The following PLCE1 variants were observed in gnomAD, a reference collection of about 807,000 sequenced individuals.
PLCE1 encodes the protein 1-phosphatidylinositol 4,5-bisphosphate phosphodiesterase epsilon-1.
Under a neutral mutation model 242.8 loss-of-function variants are expected in PLCE1, and 119 were observed. The observed-to-expected ratio is 0.49, with a 90% CI of 0.42 to 0.57. PLCE1 has a LOEUF of 0.57. PLCE1 is among the 20% of genes least tolerant of loss of function. The pLI, the probability that PLCE1 is intolerant of heterozygous loss-of-function variation, is 0.00. For synonymous variants in PLCE1, 945 were observed against 1,017.4 expected (o/e 0.93, Z 1.35); for missense variants, 2,441 against 2,788.8 (o/e 0.88, Z 2.81).
chr10:94,241,212 A>G (rs569224880), intron 7 of PLCE1, among the ~76,000 whole-genome samples: 1 of 152,306 alleles, frequency 6.6e-6, no homozygotes, highest in East Asian at 1.9e-4. Context: ...CCCAGCTTAC[A>G]TCATCTCTGA....
chr10:94,033,033 T>G (rs2061592512), intron 2 of PLCE1, among the ~76,000 whole-genome samples: 3 of 152,106 alleles, frequency 2.0e-5, no homozygotes, highest in Non-Finnish European at 2.9e-5. Context: ...ACTGTAACAC[T>G]ATTTACATAG....
intron 18 of PLCE1, among the ~76,000 whole-genome samples, chr10:94,271,304 ATCTT>A (rs1198807318): frequency 7.4e-5 from 10 of 135,386 alleles, no homozygotes; most frequent in African/African-American, 2.9e-4. Context: ...GGAGAAGATC[ATCTT>A]TTTTTTTTTT....
intron 4 of PLCE1, among the ~76,000 whole-genome samples, chr10:94,206,622 T>C (rs1041919345): frequency 9.2e-5 from 14 of 152,234 alleles, no homozygotes; most frequent in African/African-American, 3.1e-4. Context: ...GACAAATCTA[T>C]GTGGCCAAAC....
chr10:94,254,172 T>G lies in PLCE1; in HGVS notation c.3280-18T>G. The G allele has an allele frequency of 4.3e-5, 67 of 1,557,698 alleles. No individual in the cohort carries two copies. The highest frequency in any genetic ancestry group is 5.4e-5 in the Non-Finnish European group (61 of 1,128,544). On this transcript the variant is annotated intron_variant, in intron 9 of 32. Coordinates refer to ENST00000371380, the MANE Select transcript of PLCE1 (RefSeq NM_016341.4). The stretch of plus-strand genomic sequence containing the variant: ...GAGAAATACAGGCTTGGAACCATCG[T>G]GAGCTTTGTGTTCCCAGGGTGAGAG...
chr10:94,326,012 T>TATC (rs2054003221), intron 32 of PLCE1, among the ~76,000 whole-genome samples: 2 of 152,178 alleles, frequency 1.3e-5, no homozygotes, highest in African/African-American at 4.8e-5. Flanking sequence ...AATTTCATTC[T>TATC]ATCTTAAAGC....
intron 2 of PLCE1, among the ~76,000 whole-genome samples, chr10:94,036,126 T>C (rs995755136): frequency 6.6e-6 from 1 of 152,174 alleles, no homozygotes; most frequent in Admixed American, 6.6e-5. Context: ...ACCTCTTTGT[T>C]TCTAATTACC....
chr10:94,044,156 T>C (rs2061832359), intron 2 of PLCE1, among the ~76,000 whole-genome samples: 1 of 152,186 alleles, frequency 6.6e-6, no homozygotes, highest in Non-Finnish European at 1.5e-5. Flanking sequence ...AGTTTTTATT[T>C]TTCTGTATTT....
At chr10:94,083,369 C>T (rs931138302) in intron 2 of PLCE1, among the ~76,000 whole-genome samples, 15 of 152,144 alleles carry the variant, frequency 9.9e-5, no homozygotes, top group Non-Finnish European at 1.6e-4. Context: ...AGGTGTCGGT[C>T]GTTTTCATCA....
chr10:94,291,937 A>C (rs1360497231), intron 22 of PLCE1, among the ~76,000 whole-genome samples: 4 of 152,108 alleles, frequency 2.6e-5, no homozygotes. Context: ...TCCCCATCCC[A>C]AAAGAATAAC....
At chr10:94,241,079 A>G (rs1288404140) in intron 7 of PLCE1, among the ~76,000 whole-genome samples, 1 of 152,158 alleles carries the variant, frequency 6.6e-6, no homozygotes, top group Non-Finnish European at 1.5e-5. Flanking sequence ...ACAATTGTCA[A>G]TTTTATTTTG....
chr10:94,077,716 A>G (rs971571419), intron 2 of PLCE1, among the ~76,000 whole-genome samples: 1 of 152,178 alleles, frequency 6.6e-6, no homozygotes, highest in Middle Eastern at 3.2e-3. Context: ...ACAGTGAACT[A>G]TGATTGTGCC....
intron 4 of PLCE1, among the ~76,000 whole-genome samples, chr10:94,209,504 T>G (rs2049266842): frequency 6.6e-6 from 1 of 152,206 alleles, no homozygotes; most frequent in African/African-American, 2.4e-5. Context: ...GATCTCAATT[T>G]GCCTATAGTA....
intron 3 of PLCE1, among the ~76,000 whole-genome samples, chr10:94,165,588 CA>C (rs759152688): frequency 6.6e-6 from 1 of 151,680 alleles, no homozygotes; most frequent in South Asian, 2.1e-4. Context: ...AAGTAACTTA[CA>C]AAAAAACAGT....
intron 2 of PLCE1, among the ~76,000 whole-genome samples, chr10:94,086,606 C>T (rs1231875342): frequency 6.6e-6 from 1 of 152,196 alleles, no homozygotes; most frequent in Non-Finnish European, 1.5e-5. Flanking sequence ...GCCCATATGT[C>T]TACACTCTCT....
intron 2 of PLCE1, chr10:94,104,986 A>T (rs1360516158): frequency 6.6e-6 from 1 of 152,202 alleles, no homozygotes; most frequent in Non-Finnish European, 1.5e-5. Flanking sequence ...TATCCTGCAC[A>T]TCTGAATCCT....
At chr10:94,113,086 G>C (rs1333469522) in intron 2 of PLCE1, among the ~76,000 whole-genome samples, 1 of 152,114 alleles carries the variant, frequency 6.6e-6, no homozygotes, top group African/African-American at 2.4e-5. Context: ...GATTAGTGGT[G>C]GTTGCTTAGG....
At chr10:94,028,922 G>T (rs1372217522) in intron 1 of PLCE1, among the ~76,000 whole-genome samples, 1 of 152,032 alleles carries the variant, frequency 6.6e-6, no homozygotes, top group Non-Finnish European at 1.5e-5. Flanking sequence ...TCAAAAGGTG[G>T]ACCCTAATTC....
rs1157695175 is a variant in PLCE1, at chr10:94,032,260, T to C, written c.1206+8T>C. On this transcript the variant is annotated splice_region_variant and intron_variant, in intron 2 of 32. Transcript: ENST00000371380. Reference sequence around the variant, plus strand: ...GAAGCCCAGTGGTATCCTGTAAGCATTTGAGTTTCTTTTTACCATTTCTTT... The same window carrying C: ...GAAGCCCAGTGGTATCCTGTAAGCACTTGAGTTTCTTTTTACCATTTCTTT... 13 of 1,612,508 alleles carry C rather than the reference T, an allele frequency of 8.1e-6. No homozygotes were observed. The South Asian group carries it at 1.2e-4, about 15-fold the overall frequency.
intron 2 of PLCE1, among the ~76,000 whole-genome samples, chr10:94,128,031 A>T (rs761649572): frequency 4.3e-5 from 6 of 138,352 alleles, no homozygotes; most frequent in Non-Finnish European, 9.1e-5. Context: ...CTCTGTCACC[A>T]GGCTGGAGTG....
Sources: allele counts gnomAD v4.1 joint callset (sites outside exome capture counted in the v4.1 genomes callset), GRCh38; gene constraint gnomAD v4.1.1; transcripts MANE v1.5; gene names NCBI Gene and HGNC (gene_info 2026-07-23, HGNC 2026-07-21).